PDPK1: variants seen among roughly 807,000 people sequenced by gnomAD.
PDPK1 encodes 3-phosphoinositide-dependent protein kinase 1.
A neutral mutation model predicts 39.8 loss-of-function variants in PDPK1; 7 were observed. The observed-to-expected ratio is 0.18, with a 90% CI of 0.10 to 0.33. The LOEUF is 0.33. Among genes scored for constraint, PDPK1 ranks in the 10% least tolerant of loss-of-function variants. PDPK1 has a pLI of 1.00. For missense variants in PDPK1, 182 were observed against 384.7 expected (o/e 0.47, Z 4.41); for synonymous variants, 118 against 159.1 (o/e 0.74, Z 1.95).
chr16:2,552,596 C>T (rs1440621862), intron 1 of PDPK1, among the ~76,000 whole-genome samples: 2 of 120,794 alleles, frequency 1.7e-5, no homozygotes, highest in South Asian at 3.0e-4. Context: ...TTGAGTGGCG[C>T]GGGGGGATGT....
rs1397702025 is a variant in PDPK1, at chr16:2,602,690, T to C, written c.*4923T>C. On this transcript the variant is annotated 3_prime_UTR_variant, in exon 14 of 14. Coordinates refer to ENST00000342085, the MANE Select transcript of PDPK1 (RefSeq NM_002613.5). ...CACAACATAAAATAGGATAAATGAC[T>C]AGTACGTCTTTCAGGTGGGTGGCAA... is the stretch of plus-strand genomic sequence containing the variant. 1 of 234,698 alleles carries C rather than the reference T, an allele frequency of 4.3e-6. No homozygotes were observed. The highest frequency in any genetic ancestry group is 8.5e-6 in the Non-Finnish European group (1 of 118,064). The allele number at this position is 234,698 out of a possible 1,614,324, so 14.5% of individuals were successfully genotyped here. A position where few individuals can be genotyped will look rare whatever the true frequency, so the allele number is the denominator to read the frequency against.
At chr16:2,585,360 A>T (rs2066845871) in intron 10 of PDPK1, among the ~76,000 whole-genome samples, 1 of 152,186 alleles carries the variant, frequency 6.6e-6, no homozygotes, top group South Asian at 2.1e-4. Flanking sequence ...CAGACCTCAC[A>T]CGGGGACAGT....
rs2066339395 is a variant in PDPK1, at chr16:2,546,100, T to C, written c.24+7964T>C. Among the ~76,000 whole-genome samples, 2 of 152,164 alleles carry C rather than the reference T, an allele frequency of 1.3e-5. 1 individual carries two copies. The highest frequency in any genetic ancestry group is 4.1e-4 in the South Asian group (2 of 4,820). On this transcript the variant is annotated intron_variant, in intron 1 of 13. Transcript: ENST00000342085. The stretch of plus-strand genomic sequence containing the variant: ...GATGAGCTAAAGGTAACTTTTTTTT[T>C]CAAGATGGAGTCTCACTCTGTCACC...
intron 1 of PDPK1, among the ~76,000 whole-genome samples, chr16:2,540,957 G>A (rs571213790): frequency 2.1e-4 from 32 of 152,306 alleles, no homozygotes; most frequent in African/African-American, 7.7e-4. Flanking sequence ...ATGGAGAGAA[G>A]TGGCTTTCGA....
At chr16:2,544,108 T>G (rs1449841500) in intron 1 of PDPK1, among the ~76,000 whole-genome samples, 1 of 152,210 alleles carries the variant, frequency 6.6e-6, no homozygotes, top group African/African-American at 2.4e-5. Context: ...ATGCAATTTC[T>G]TGTTTTTCTA....
At chr16:2,542,506 G>C (rs2066263264) in intron 1 of PDPK1, among the ~76,000 whole-genome samples, 1 of 152,074 alleles carries the variant, frequency 6.6e-6, no homozygotes, top group Non-Finnish European at 1.5e-5. Context: ...ACAGAATTGG[G>C]AACTGACAGT....
In PDPK1 at chr16:2,600,382, C is replaced by T. The variant is rs577209776; in HGVS notation, c.*2615C>T. 9.9e-5 allele frequency: 23 copies of T among 232,844 alleles called. No homozygotes were observed. Among genetic ancestry groups the T allele is most frequent in the Non-Finnish European group, 1.4e-4 (16 of 118,064 alleles). 14.4% of individuals were successfully genotyped at this position (232,844 alleles called of 1,614,324 possible). ...GCACAAAGCGGAGGGAGGCTGTGGT[C>T]GCTGCCGGCCTAGGTGTCCCAGGTG... On this transcript the variant is annotated 3_prime_UTR_variant, in exon 14 of 14. Transcript: ENST00000342085.
At chr16:2,538,467 G>A in intron 1 of PDPK1, 1 of 465,898 alleles carries the variant, frequency 2.1e-6, no homozygotes, top group South Asian at 1.6e-5. Flanking sequence ...GCCTGGAGCC[G>A]AGCCTCCAGG....
At chr16:2,538,579 T>C (rs1233454051) in intron 1 of PDPK1, 6 of 1,279,240 alleles carry the variant, frequency 4.7e-6, no homozygotes, top group Non-Finnish European at 5.1e-6. Context: ...GTGCAAGTTC[T>C]TGCTGAAAGC....
chr16:2,542,843 C>T (rs990892914), intron 1 of PDPK1, among the ~76,000 whole-genome samples: 10 of 151,790 alleles, frequency 6.6e-5, no homozygotes, highest in South Asian at 2.1e-4. Flanking sequence ...TGCGTGTTTG[C>T]GGAGCTGGTG....
Position 2,597,777 on chromosome 16 carries a change from C to A in PDPK1, c.*10C>A. On this transcript the variant is annotated 3_prime_UTR_variant, in exon 14 of 14. Coordinates refer to ENST00000342085, the MANE Select transcript of PDPK1 (RefSeq NM_002613.5). This position sits in a 1 kb window ranked among gnomAD's most constrained non-coding sequence, Gnocchi z 6.3. ...CGCCGCTGTGCAGTGACGTGGCCTGCGGCCGGGCTGCCCTTCGCTGCCAGG... is the reference window on the plus strand; with the variant it reads ...CGCCGCTGTGCAGTGACGTGGCCTGAGGCCGGGCTGCCCTTCGCTGCCAGG... 1.3e-6 allele frequency: 2 copies of A among 1,588,206 alleles called. No homozygotes were observed. Among genetic ancestry groups the A allele is most frequent in the Non-Finnish European group, 8.6e-7 (1 of 1,158,728 alleles).
chr16:2,588,158 G>A (rs1035005533), intron 11 of PDPK1, among the ~76,000 whole-genome samples: 5 of 152,222 alleles, frequency 3.3e-5, no homozygotes, highest in Admixed American at 6.5e-5. Flanking sequence ...GGCTCTATGC[G>A]GTTCGCCACA....
chr16:2,545,053 T>C (rs1220112193), intron 1 of PDPK1, among the ~76,000 whole-genome samples: 4 of 150,728 alleles, frequency 2.7e-5, no homozygotes, highest in Admixed American at 6.7e-5. Context: ...TTTTTTTTTT[T>C]TGAGATGGAA....
intron 11 of PDPK1, chr16:2,592,923 C>T (rs550805661): frequency 6.6e-5 from 30 of 456,660 alleles, no homozygotes; most frequent in African/African-American, 2.8e-4. Flanking sequence ...CCTGCCTCCC[C>T]GTGGTGCTGG....
intron 11 of PDPK1, among the ~76,000 whole-genome samples, chr16:2,594,887 C>T (rs1307120203): frequency 2.6e-5 from 4 of 151,988 alleles, no homozygotes; most frequent in Non-Finnish European, 5.9e-5. Context: ...TTTGGGAGGC[C>T]GAGGCGGGTG....
chr16:2,597,819 G>T lies in PDPK1; in HGVS notation c.*52G>T. Reference sequence around the variant, plus strand: ...GCTGCCAGGACACCTGCCCCAGCGCGGCTTGGCCGCCATCCGGGACGCTTC... The same window carrying T: ...GCTGCCAGGACACCTGCCCCAGCGCTGCTTGGCCGCCATCCGGGACGCTTC... On this transcript the variant is annotated 3_prime_UTR_variant, in exon 14 of 14. Transcript: ENST00000342085. The surrounding 1 kb of genome is among the most constrained non-coding windows in gnomAD (Gnocchi z 6.3). The T allele has an allele frequency of 7.7e-7, 1 of 1,302,124 alleles. No homozygotes were observed. Among genetic ancestry groups the T allele is most frequent in the Non-Finnish European group, 1.1e-6 (1 of 904,200 alleles). The allele number at this position is 1,302,124 out of a possible 1,614,324, so 80.7% of individuals were successfully genotyped here.
In PDPK1 at chr16:2,576,071, T is replaced by C. The variant is rs550165698; in HGVS notation, c.710-1354T>C. The C allele has an allele frequency of 1.4e-4, 20 of 144,554 alleles. 7 individuals are homozygous for C. The highest frequency in any genetic ancestry group is 5.4e-4 in the African/African-American group (19 of 35,424). 9.0% of individuals were successfully genotyped at this position (144,554 alleles called of 1,614,324 possible). ...CCAGCAGACGCGGCCCTCGTCGCTGTGCCACGCCGGACCCTGAAGGACAGA... is the reference window on the plus strand; with the variant it reads ...CCAGCAGACGCGGCCCTCGTCGCTGCGCCACGCCGGACCCTGAAGGACAGA... On this transcript the variant is annotated intron_variant, in intron 6 of 13. Transcript: ENST00000342085.
At chr16:2,587,081 G>A (rs1208573508) in intron 11 of PDPK1, among the ~76,000 whole-genome samples, 188 bp downstream of exon 11, 1 of 152,198 alleles carries the variant, frequency 6.6e-6, no homozygotes, top group Non-Finnish European at 1.5e-5. Flanking sequence ...GGGCTGAGTG[G>A]GTTGTGACCG....
At position 2,601,032 on chromosome 16, in the gene PDPK1, A is replaced by G. The variant is rs2067205231; in HGVS notation, c.*3265A>G. 2 of 232,016 alleles carry G rather than the reference A, an allele frequency of 8.6e-6. No individual in the cohort carries two copies. Among genetic ancestry groups the G allele is most frequent in the Non-Finnish European group, 8.5e-6 (1 of 117,904 alleles). 14.4% of individuals were successfully genotyped at this position (232,016 alleles called of 1,614,324 possible). A position where few individuals can be genotyped will look rare whatever the true frequency, so the allele number is the denominator to read the frequency against. On this transcript the variant is annotated 3_prime_UTR_variant, in exon 14 of 14. Coordinates refer to ENST00000342085, the MANE Select transcript of PDPK1 (RefSeq NM_002613.5). ...TTATCTGACCATTTCCCTACTGTAAAATACTTAAGACGGTTTCTGATTTTT... is the reference window on the plus strand; with the variant it reads ...TTATCTGACCATTTCCCTACTGTAAGATACTTAAGACGGTTTCTGATTTTT...
Sources: allele counts gnomAD v4.1 joint callset (sites outside exome capture counted in the v4.1 genomes callset), GRCh38; gene constraint gnomAD v4.1.1; non-coding constraint Gnocchi (gnomAD v3.1); transcripts MANE v1.5; gene names NCBI Gene and HGNC (gene_info 2026-07-23, HGNC 2026-07-21).